SYT9: variants seen among roughly 807,000 people sequenced by gnomAD.
SYT9 encodes synaptotagmin-9.
Under a neutral mutation model 48.4 loss-of-function variants are expected in SYT9, and 22 were observed. The ratio of observed to expected loss-of-function variants is 0.45; its 90% CI spans 0.32 to 0.65. The LOEUF (loss-of-function observed/expected upper bound fraction) is 0.65. SYT9 is among the 30% of genes least tolerant of loss of function. SYT9 has a pLI of 0.03. For synonymous variants in SYT9, 265 were observed against 245.0 expected, an observed-to-expected ratio of 1.08 and a Z score of -0.76; for missense variants, 577 against 622.0, an observed-to-expected ratio of 0.93 and a Z score of 0.77.
In SYT9 at chr11:7,358,899, T is replaced by A. The variant is rs184523192; in HGVS notation, c.1044+44958T>A. On this transcript the variant is annotated intron_variant, in intron 3 of 6. Coordinates refer to ENST00000318881, the MANE Select transcript of SYT9 (RefSeq NM_175733.4). Reference sequence around the variant, plus strand: ...AGTTTTAGGGTACATGTGCACAATGTGCAGGTTAATTACATATGTATACAT... The same window carrying A: ...AGTTTTAGGGTACATGTGCACAATGAGCAGGTTAATTACATATGTATACAT... Among the ~76,000 whole-genome samples the A allele has an allele frequency of 3.9e-5, 6 of 152,318 alleles. No individual in the cohort carries two copies. The East Asian group carries it at 9.6e-4, about 24-fold the overall frequency.
At chr11:7,423,029 C>T (rs909773767) in intron 6 of SYT9, among the ~76,000 whole-genome samples, 3 of 152,202 alleles carry the variant, frequency 2.0e-5, no homozygotes, top group African/African-American at 4.8e-5. Flanking sequence ...TTTGTTACAG[C>T]GGCTAAAATT....
chr11:7,311,992 A>G (rs1233594476), intron 2 of SYT9, among the ~76,000 whole-genome samples: 2 of 152,132 alleles, frequency 1.3e-5, no homozygotes, highest in African/African-American at 4.8e-5. Flanking sequence ...GATTTCTCTA[A>G]AAGAGATTAA....
intron 3 of SYT9, among the ~76,000 whole-genome samples, chr11:7,317,446 T>C (rs1178517667): frequency 6.6e-6 from 1 of 152,130 alleles, no homozygotes; most frequent in Non-Finnish European, 1.5e-5. Context: ...TCTTCCTGGC[T>C]CACCTTCTCA....
rs554007833 is a variant in SYT9, at chr11:7,266,217, C to T, written c.145+13886C>T. On this transcript the variant is annotated intron_variant, in intron 1 of 6. Transcript: ENST00000318881. ...CTTGCTCTTCTTTAATCTGTTCCACCGTGACTGCTACTTTAGATTTAATAT... is the reference window on the plus strand; with the variant it reads ...CTTGCTCTTCTTTAATCTGTTCCACTGTGACTGCTACTTTAGATTTAATAT... 5.3e-5 allele frequency among the ~76,000 whole-genome samples: 8 copies of T among 152,142 alleles called. No homozygotes were observed. The South Asian group carries it at 1.2e-3, about 24-fold the overall frequency.
chr11:7,446,041 C>T (rs752618311), intron 6 of SYT9, among the ~76,000 whole-genome samples: 5 of 152,240 alleles, frequency 3.3e-5, no homozygotes, highest in Admixed American at 1.3e-4. Context: ...GCATAAGCCG[C>T]GTCTATGTGG....
intron 1 of SYT9, among the ~76,000 whole-genome samples, chr11:7,280,491 G>A (rs530975177): frequency 6.6e-6 from 1 of 152,332 alleles, no homozygotes; most frequent in East Asian, 1.9e-4. Context: ...AATGTCTACA[G>A]ACAAGACACA....
chr11:7,439,794 A>G (rs915472538), intron 6 of SYT9: 2 of 152,172 alleles, frequency 1.3e-5, no homozygotes, highest in African/African-American at 2.4e-5. Flanking sequence ...TTGAACAAGC[A>G]GCCCTAACCA....
chr11:7,298,782 G>A (rs1012189917), intron 1 of SYT9, among the ~76,000 whole-genome samples: 5 of 152,142 alleles, frequency 3.3e-5, no homozygotes, highest in Admixed American at 6.5e-5. Flanking sequence ...AATGCATCAC[G>A]TCTTATGGCT....
chr11:7,375,756 A>G (rs1333355003), intron 3 of SYT9, among the ~76,000 whole-genome samples: 1 of 152,116 alleles, frequency 6.6e-6, no homozygotes, highest in Non-Finnish European at 1.5e-5. Context: ...ATTTTTGCAC[A>G]TTGATTTTGT....
chr11:7,250,150 T>C (rs11820835), upstream of SYT9, among the ~76,000 whole-genome samples: 18,568 of 152,224 alleles, frequency 0.12, 1,222 homozygotes, highest in Middle Eastern at 0.19. Context: ...TATTAGGGTG[T>C]GAGCACATAT....
intron 3 of SYT9, among the ~76,000 whole-genome samples, chr11:7,376,862 T>A (rs1165949727): frequency 6.6e-6 from 1 of 151,902 alleles, no homozygotes; most frequent in Non-Finnish European, 1.5e-5. Flanking sequence ...TTTTTGACAC[T>A]GGTGAACTTT....
chr11:7,242,954 G>A (rs1052591069), intron 1 of SYT9, among the ~76,000 whole-genome samples: 5 of 152,120 alleles, frequency 3.3e-5, no homozygotes, highest in African/African-American at 7.2e-5. Context: ...GCTGAGGCGG[G>A]AGAATTGCTT....
At chr11:7,446,661 C>T (rs1188231916) in intron 6 of SYT9, among the ~76,000 whole-genome samples, 1 of 152,226 alleles carries the variant, frequency 6.6e-6, no homozygotes, top group African/African-American at 2.4e-5. Flanking sequence ...CCATCCCCCC[C>T]AGCCTCTCTG....
intron 3 of SYT9, among the ~76,000 whole-genome samples, chr11:7,317,192 A>T (rs945882836): frequency 6.6e-6 from 1 of 152,188 alleles, no homozygotes; most frequent in African/African-American, 2.4e-5. Context: ...GTCAGGAAAG[A>T]TATTTCTCCT....
At chr11:7,256,128 C>T (rs1346151708) in intron 1 of SYT9, among the ~76,000 whole-genome samples, 1 of 152,208 alleles carries the variant, frequency 6.6e-6, no homozygotes, top group Non-Finnish European at 1.5e-5. Flanking sequence ...TTCCAAGGAA[C>T]AGAAAGGAGG....
chr11:7,340,939 C>G (rs185911958), intron 3 of SYT9, among the ~76,000 whole-genome samples: 3 of 152,312 alleles, frequency 2.0e-5, no homozygotes, highest in Admixed American at 2.0e-4. Context: ...GGGGTCTGCT[C>G]CAGTTCCTAC....
chr11:7,444,365 C>G (rs1378348836), intron 6 of SYT9: 1 of 152,230 alleles, frequency 6.6e-6, no homozygotes, highest in Non-Finnish European at 1.5e-5. Flanking sequence ...TCGTGACCGA[C>G]TTTTCTTCAA....
At chr11:7,398,024 G>A (rs937072035) in intron 3 of SYT9, among the ~76,000 whole-genome samples, 8 of 152,168 alleles carry the variant, frequency 5.3e-5, no homozygotes, top group African/African-American at 1.9e-4. Context: ...GAAGAGATGA[G>A]AGCAGACATC....
chr11:7,432,144 A>G (rs916180920), intron 6 of SYT9, among the ~76,000 whole-genome samples: 1 of 152,156 alleles, frequency 6.6e-6, no homozygotes, highest in Non-Finnish European at 1.5e-5. Flanking sequence ...CTGGGGGCCA[A>G]CCCTGCAAAA....
Sources: allele counts gnomAD v4.1 joint callset (sites outside exome capture counted in the v4.1 genomes callset), GRCh38; gene constraint gnomAD v4.1.1; transcripts MANE v1.5; gene names NCBI Gene and HGNC (gene_info 2026-07-23, HGNC 2026-07-21).